TNS1: variants seen among roughly 807,000 people sequenced by gnomAD.
TNS1 encodes tensin 1.
In TNS1, 62 loss-of-function variants were observed where a neutral mutation model predicts 168.6. That is an observed-to-expected ratio of 0.37 (90% CI 0.30 to 0.45). The LOEUF is 0.45. TNS1 is among the 20% of genes least tolerant of loss of function. The pLI is 1.00. For synonymous variants in TNS1, 934 were observed against 933.2 expected, an observed-to-expected ratio of 1.00 and a Z score of -0.02; for missense variants, 2,240 against 2,339.4, an observed-to-expected ratio of 0.96 and a Z score of 0.88.
At chr2:217,984,772 C>T (rs1182483434) in intron 2 of TNS1, among the ~76,000 whole-genome samples, 2 of 150,184 alleles carry the variant, frequency 1.3e-5, no homozygotes, top group Non-Finnish European at 3.0e-5. Context: ...TTTTTTCCCC[C>T]CAAGACAGAG....
chr2:217,913,868 C>T (rs1360904572), intron 4 of TNS1, among the ~76,000 whole-genome samples: 1 of 152,152 alleles, frequency 6.6e-6, no homozygotes, highest in Admixed American at 6.5e-5. Flanking sequence ...ACCCACACTG[C>T]TCCCACCACA....
rs762121379 is a variant in TNS1 at position 217,848,904 on chromosome 2, G to A, written c.1613C>T (p.Thr538Ile). The stretch of plus-strand genomic sequence containing the variant: ...AGGCTCGTCGGTCTTGTCGGTCTTG[G>A]TGGAGGCTGTGGAGTTGCCCGAGTC... ...SSDSGNSTASTKTDKTDEPVP... is the reference protein window; with the variant it reads ...SSDSGNSTASIKTDKTDEPVP... Residue 538 changes from threonine (T) to isoleucine (I), a missense_variant, in exon 19 of 33, where the codon ACC becomes ATC. Thr to Ile is a moderately conservative substitution (Grantham distance 89, BLOSUM62 -1). Around this residue, in one of 2 missense-constraint regions of TNS1, gnomAD observed 2,131 missense variants for 2,171.2 expected, o/e 0.98. Coordinates refer to ENST00000682258, the MANE Select transcript of TNS1 (RefSeq NM_001387777.1). 62 of 1,614,066 alleles carry A rather than the reference G, an allele frequency of 3.8e-5. No individual in the cohort carries two copies. In the Admixed American group the frequency reaches 9.3e-4, roughly 24 times the overall value.
intron 3 of TNS1, among the ~76,000 whole-genome samples, chr2:217,961,264 G>C (rs1196894534): frequency 2.0e-5 from 3 of 151,224 alleles, no homozygotes; most frequent in Admixed American, 6.6e-5. Flanking sequence ...CACACACAGA[G>C]AGAGAGAGAG....
At chr2:217,915,873 G>A (rs1954950643) in intron 4 of TNS1, among the ~76,000 whole-genome samples, 2 of 152,200 alleles carry the variant, frequency 1.3e-5, no homozygotes, top group Admixed American at 6.5e-5. Flanking sequence ...GTCACTGTGA[G>A]GTCCCAATGG....
At chr2:217,900,111 C>A (rs1952786982) in intron 7 of TNS1, among the ~76,000 whole-genome samples, 1 of 152,178 alleles carries the variant, frequency 6.6e-6, no homozygotes, top group South Asian at 2.1e-4. Flanking sequence ...AAACGCAAAT[C>A]CAAGTGCTGC....
intron 4 of TNS1, among the ~76,000 whole-genome samples, chr2:217,912,426 G>A (rs1416667762): frequency 6.8e-6 from 1 of 147,502 alleles, no homozygotes; most frequent in Non-Finnish European, 1.5e-5. Context: ...TGCCCCCTGG[G>A]AGGCCTGGAA....
intron 3 of TNS1, among the ~76,000 whole-genome samples, chr2:217,941,930 G>A (rs1431116135): frequency 6.6e-6 from 1 of 152,114 alleles, no homozygotes; most frequent in Non-Finnish European, 1.5e-5. Context: ...GGAGCCTGAG[G>A]GTCCCCAAAC....
At chr2:217,877,011 G>C (rs559131882) in intron 18 of TNS1, among the ~76,000 whole-genome samples, 1 of 152,140 alleles carries the variant, frequency 6.6e-6, no homozygotes, top group African/African-American at 2.4e-5. Flanking sequence ...GGGAGTAAAG[G>C]GTCCCCAAGA....
chr2:217,978,475 C>G (rs1250510045), intron 3 of TNS1, among the ~76,000 whole-genome samples: 2 of 151,930 alleles, frequency 1.3e-5, no homozygotes, highest in Non-Finnish European at 2.9e-5. Flanking sequence ...AAAGGCCGCT[C>G]TCTGGGAGCT....
chr2:218,007,548 A>G (rs555114713), upstream of TNS1, among the ~76,000 whole-genome samples: 1 of 55,956 alleles, frequency 1.8e-5, no homozygotes, highest in African/African-American at 7.6e-5. Context: ...CTAAGGGCTG[A>G]CCCTGAGGCT....
chr2:218,012,324 C>A (rs1271437952), upstream of TNS1, among the ~76,000 whole-genome samples: 1 of 152,158 alleles, frequency 6.6e-6, no homozygotes, highest in East Asian at 1.9e-4. Flanking sequence ...AGGAGGACAA[C>A]ATGACTTTTA....
At chr2:217,953,396 C>T (rs1957287736) in intron 3 of TNS1, among the ~76,000 whole-genome samples, 1 of 152,214 alleles carries the variant, frequency 6.6e-6, no homozygotes, top group Admixed American at 6.5e-5. Context: ...GGCAAATCTC[C>T]AGCTGCCTGT....
chr2:217,939,506 G>A (rs1165509280), intron 3 of TNS1, among the ~76,000 whole-genome samples: 1 of 152,228 alleles, frequency 6.6e-6, no homozygotes, highest in African/African-American at 2.4e-5. Context: ...AACTTGCAAG[G>A]ATCACAGAAC....
intron 18 of TNS1, among the ~76,000 whole-genome samples, chr2:217,863,504 A>G (rs887434478): frequency 1.4e-4 from 22 of 152,138 alleles, no homozygotes; most frequent in African/African-American, 5.3e-4. Flanking sequence ...TGCCAATAGT[A>G]CCACAGGTGA....
At chr2:217,862,939 AC>A (rs1948919725) in intron 18 of TNS1, among the ~76,000 whole-genome samples, 1 of 152,074 alleles carries the variant, frequency 6.6e-6, no homozygotes, top group Admixed American at 6.5e-5. Context: ...TTCCCTCCAG[AC>A]CATCCTTCCA....
At position 217,818,776 on chromosome 2, in the gene TNS1, G is replaced by C. The variant is rs372836225; in HGVS notation, c.3573-17C>G. On this transcript the variant is annotated splice_polypyrimidine_tract_variant and intron_variant, in intron 23 of 32. Transcript: ENST00000682258. Reference sequence around the variant, plus strand: ...ACTGAAGTGCTGCAGAGAGATGGCAGGTTGCGATGTCAGTGGACAGAACTG... The same window carrying C: ...ACTGAAGTGCTGCAGAGAGATGGCACGTTGCGATGTCAGTGGACAGAACTG... The C allele has an allele frequency of 3.8e-6, 6 of 1,589,192 alleles. No homozygotes were observed. Among genetic ancestry groups the C allele is most frequent in the Non-Finnish European group, 4.3e-6 (5 of 1,165,548 alleles).
intron 3 of TNS1, among the ~76,000 whole-genome samples, chr2:217,963,889 C>CA (rs58953604): frequency 0.015 from 1,928 of 126,368 alleles, 21 homozygotes; most frequent in African/African-American, 0.023. Context: ...ACTAAAAATA[C>CA]AAAAAAAAAA....
At chr2:217,835,004 C>A in intron 21 of TNS1, 87 bp downstream of exon 21, 1 of 1,264,868 alleles carries the variant, frequency 7.9e-7, no homozygotes, top group South Asian at 1.6e-5. Flanking sequence ...ACCCCCAACC[C>A]TCAGGCCTGG....
chr2:217,839,287 C>T (rs757134102), intron 19 of TNS1, among the ~76,000 whole-genome samples: 2 of 152,096 alleles, frequency 1.3e-5, no homozygotes, highest in Non-Finnish European at 2.9e-5. Flanking sequence ...ACCCTAACAC[C>T]CTATGTTCAA....
Sources: allele counts gnomAD v4.1 joint callset (sites outside exome capture counted in the v4.1 genomes callset), GRCh38; gene constraint gnomAD v4.1.1; regional missense constraint gnomAD v4.1.1; transcripts MANE v1.5; gene names NCBI Gene and HGNC (gene_info 2026-07-23, HGNC 2026-07-21).